CAPSL: variants seen among roughly 807,000 people sequenced by gnomAD.
CAPSL encodes the protein calcyphosine like.
In CAPSL, 17 loss-of-function variants were observed where a neutral mutation model predicts 21.3. That is an observed-to-expected ratio of 0.80 (90% CI 0.55 to 1.20). CAPSL has a LOEUF of 1.20. Ranked by LOEUF, CAPSL falls within the 50% of genes most tolerant of loss-of-function variation. The pLI is 0.00. For synonymous variants in CAPSL, 102 were observed against 89.3 expected (o/e 1.14, Z -0.80); for missense variants, 289 against 259.3 (o/e 1.11, Z -0.79).
intron 1 of CAPSL, among the ~76,000 whole-genome samples, chr5:35,928,894 A>G (rs906677875): frequency 6.6e-6 from 1 of 152,146 alleles, no homozygotes; most frequent in Admixed American, 6.5e-5. Context: ...CTCACCAAGC[A>G]CAGTAAATTA....
intron 1 of CAPSL, among the ~76,000 whole-genome samples, chr5:35,927,522 G>T (rs1442573942): frequency 6.6e-6 from 1 of 152,206 alleles, no homozygotes; most frequent in Non-Finnish European, 1.5e-5. Flanking sequence ...CTAGTTCCGA[G>T]AAGGTGGAAA....
chr5:35,923,863 C>T (rs569524885), intron 1 of CAPSL, among the ~76,000 whole-genome samples: 4 of 152,238 alleles, frequency 2.6e-5, no homozygotes, highest in African/African-American at 9.6e-5. Context: ...ATGTAATATA[C>T]ACTTTAAAAT....
At chr5:35,933,990 CCAA>C (rs963041342) in intron 1 of CAPSL, among the ~76,000 whole-genome samples, 1 of 152,118 alleles carries the variant, frequency 6.6e-6, no homozygotes, top group African/African-American at 2.4e-5. Context: ...CCGTGAGAAG[CCAA>C]CACGTGGCCA....
At chr5:35,937,253 G>C (rs1253780945) in intron 1 of CAPSL, among the ~76,000 whole-genome samples, 1 of 152,190 alleles carries the variant, frequency 6.6e-6, no homozygotes, top group African/African-American at 2.4e-5. Context: ...TGAACTTCAT[G>C]ATATAGTTTA....
At chr5:35,926,307 C>T (rs1025341682) in intron 1 of CAPSL, among the ~76,000 whole-genome samples, 1 of 152,116 alleles carries the variant, frequency 6.6e-6, no homozygotes, top group African/African-American at 2.4e-5. Flanking sequence ...GTTGCTTGCG[C>T]TCTCCACTCT....
chr5:35,908,108 A>ATATT (rs1738077459), intron 4 of CAPSL, among the ~76,000 whole-genome samples: 1 of 152,214 alleles, frequency 6.6e-6, no homozygotes, highest in African/African-American at 2.4e-5. Context: ...TGTGTATATT[A>ATATT]TATTTAGTAA....
In CAPSL at chr5:35,909,995, T is replaced by C. The variant is rs1398795637; in HGVS notation, c.396A>G (p.Thr132=). The C allele has an allele frequency of 6.2e-7, 1 of 1,613,920 alleles. No homozygotes were observed. The highest frequency in any genetic ancestry group is 1.7e-5 in the Admixed American group (1 of 59,996). ...TATATACTTCACGAAGGTCTTCGAT[T>C]GTTATAACACCATCTCCAGTCTTGT... ...KLDKTGDGVI[T]IEDLREVYNA... The change falls in exon 4 of 5, where the codon ACA becomes ACG. Residue 132 remains threonine, a synonymous_variant. Transcript: ENST00000651391.
chr5:35,908,987 A>C (rs1042925618), intron 4 of CAPSL, among the ~76,000 whole-genome samples: 3 of 152,170 alleles, frequency 2.0e-5, no homozygotes, highest in Non-Finnish European at 4.4e-5. Flanking sequence ...AGAGACAATG[A>C]ACCCTGGGGC....
intron 1 of CAPSL, among the ~76,000 whole-genome samples, chr5:35,926,017 A>T (rs999557648): frequency 5.4e-5 from 8 of 149,472 alleles, no homozygotes; most frequent in Non-Finnish European, 1.0e-4. Context: ...CGGTGGTTAC[A>T]GTGAGCCAAG....
At chr5:35,911,797 G>A (rs1023288905) in intron 2 of CAPSL, among the ~76,000 whole-genome samples, 2 of 152,204 alleles carry the variant, frequency 1.3e-5, no homozygotes, top group Non-Finnish European at 1.5e-5. Flanking sequence ...CCCAGCGTGA[G>A]CGATGCAGAA....
chr5:35,935,600 G>T (rs1180817124), intron 1 of CAPSL, among the ~76,000 whole-genome samples: 1 of 152,124 alleles, frequency 6.6e-6, no homozygotes, highest in East Asian at 1.9e-4. Flanking sequence ...CTTCCAAAAT[G>T]CTGAGATTAC....
chr5:35,932,872 C>T (rs1234338290), intron 1 of CAPSL, among the ~76,000 whole-genome samples: 1 of 152,174 alleles, frequency 6.6e-6, no homozygotes, highest in Non-Finnish European at 1.5e-5. Context: ...CACTTTTCCA[C>T]GGGCAGTTAT....
At chr5:35,930,067 A>G (rs1738782664) in intron 1 of CAPSL, among the ~76,000 whole-genome samples, 1 of 152,236 alleles carries the variant, frequency 6.6e-6, no homozygotes. Context: ...GTATGAATAT[A>G]TGAAACATCT....
intron 4 of CAPSL, among the ~76,000 whole-genome samples, chr5:35,907,868 T>A (rs1264961573): frequency 6.6e-6 from 1 of 152,228 alleles, no homozygotes; most frequent in Non-Finnish European, 1.5e-5. Context: ...TTTTAGAAGC[T>A]AATTATTCTT....
At chr5:35,917,339 C>T (rs1738417217) in intron 2 of CAPSL, among the ~76,000 whole-genome samples, 1 of 152,190 alleles carries the variant, frequency 6.6e-6, no homozygotes, top group Admixed American at 6.5e-5. Context: ...CTAGAAATAT[C>T]ACTTGACCCA....
At chr5:35,917,650 G>A (rs1738427566) in intron 2 of CAPSL, among the ~76,000 whole-genome samples, 1 of 152,252 alleles carries the variant, frequency 6.6e-6, no homozygotes, top group Middle Eastern at 3.4e-3. Flanking sequence ...CGCACTCATA[G>A]GTGGGAATTG....
At chr5:35,931,208 A>T (rs1345467103) in intron 1 of CAPSL, among the ~76,000 whole-genome samples, 35 of 152,146 alleles carry the variant, frequency 2.3e-4, no homozygotes, top group Non-Finnish European at 4.4e-5. Context: ...GTTTGGGCTG[A>T]CCCTAAATAT....
chr5:35,920,106 C>T (rs1424677307), intron 2 of CAPSL, among the ~76,000 whole-genome samples: 2 of 152,160 alleles, frequency 1.3e-5, no homozygotes, highest in Non-Finnish European at 2.9e-5. Context: ...TGGGCTTAGT[C>T]TGAGACTTGG....
At chr5:35,907,572 C>T (rs915355783) in intron 4 of CAPSL, among the ~76,000 whole-genome samples, 3 of 152,086 alleles carry the variant, frequency 2.0e-5, no homozygotes, top group African/African-American at 4.8e-5. Flanking sequence ...AAATGGCTTC[C>T]GGCTGCTATG....
Sources: gnomAD v4.1 joint callset for allele counts (sites outside exome capture counted in the v4.1 genomes callset) on GRCh38, gnomAD v4.1.1 for gene constraint, MANE v1.5 for transcripts, NCBI Gene and HGNC (gene_info 2026-07-23, HGNC 2026-07-21) for gene names.